Variants in GOLGA2 observed in about 807,000 individuals in gnomAD.
GOLGA2 encodes golgin subfamily A member 2.
Under a neutral mutation model 148.8 loss-of-function variants are expected in GOLGA2, and 49 were observed. The ratio of observed to expected loss-of-function variants is 0.33; its 90% CI spans 0.26 to 0.42. The LOEUF is 0.42. Among genes scored for constraint, GOLGA2 ranks in the 10% least tolerant of loss-of-function variants. The pLI is 1.00. For synonymous variants in GOLGA2, 501 were observed against 511.8 expected, an observed-to-expected ratio of 0.98 and a Z score of 0.28; for missense variants, 1,178 against 1,304.6, an observed-to-expected ratio of 0.90 and a Z score of 1.49.
chr9:128,268,319 G>C (rs979395592), intron 4 of GOLGA2, 101 bp downstream of exon 4: 1 of 1,022,502 alleles, frequency 9.8e-7, no homozygotes, highest in Non-Finnish European at 1.5e-6. Context: ...CCGGTCCCCA[G>C]GAAGGGCCCT....
intron 3 of GOLGA2, among the ~76,000 whole-genome samples, chr9:128,270,869 G>A (rs1830898830): frequency 6.6e-6 from 1 of 151,802 alleles, no homozygotes; most frequent in Non-Finnish European, 1.5e-5. Flanking sequence ...AACATGGCAA[G>A]ACCCCATCTC....
Position 128,260,170 on chromosome 9 carries a change from A to G in GOLGA2, c.1778T>C (p.Ile593Thr). ...FVKLTNENMEITSALQSEQHV... is the reference protein window; with the variant it reads ...FVKLTNENMETTSALQSEQHV... ...CTGCTCCGACTGCAGTGCGCTGGTG[A>G]TCTCCATGTTCTCATTAGTCTGGAC... The change falls in exon 19 of 27, where the codon ATC becomes ACC. Residue 593 changes from isoleucine to threonine, a missense_variant. Ile to Thr is a moderately conservative substitution (Grantham distance 89). Coordinates refer to ENST00000611957, the MANE Select transcript of GOLGA2 (RefSeq NM_001366244.2). This position sits in a 1 kb window ranked among gnomAD's most constrained non-coding sequence, Gnocchi z 4.8. The G allele has an allele frequency of 8.1e-6, 13 of 1,607,876 alleles. No homozygotes were observed. Among genetic ancestry groups the G allele is most frequent in the Non-Finnish European group, 1.1e-5 (13 of 1,178,692 alleles).
chr9:128,258,954 G>A lies in GOLGA2; in HGVS notation c.2173+53C>T, dbSNP rs947821398. 4 of 1,154,224 alleles carry A rather than the reference G, an allele frequency of 3.5e-6. No individual in the cohort carries two copies. Among genetic ancestry groups the A allele is most frequent in the Non-Finnish European group, 5.2e-6 (4 of 770,252 alleles). 71.5% of individuals were successfully genotyped at this position (1,154,224 alleles called of 1,614,324 possible). ...ACTCCTCAATTCTACGCTGCTAACAGTCCCCCCTTCTTCCTGGGGCTCTCT... is the reference window on the plus strand; with the variant it reads ...ACTCCTCAATTCTACGCTGCTAACAATCCCCCCTTCTTCCTGGGGCTCTCT... On this transcript the variant is annotated intron_variant, in intron 21 of 26. Transcript: ENST00000611957. This position sits in a 1 kb window ranked among gnomAD's most constrained non-coding sequence, Gnocchi z 6.6.
In GOLGA2 at chr9:128,259,009, TCCC is replaced by T; in HGVS notation, c.2168_2170del (p.Gly723del). 6.3e-7 allele frequency: 1 copy of T among 1,589,980 alleles called. No homozygotes were observed. The highest frequency in any genetic ancestry group is 2.2e-5 in the East Asian group (1 of 44,780). On this transcript the variant is annotated inframe_deletion, in exon 21 of 27. Transcript: ENST00000611957. ...TTCCTGTGAGCAGGTTCCCGTACCTTCCCCAGGGTGAGCCATGAGGCTCAACTG... is the reference window on the plus strand; with the variant it reads ...TTCCTGTGAGCAGGTTCCCGTACCTTCAGGGTGAGCCATGAGGCTCAACTG...
At position 128,261,847 on chromosome 9, in the gene GOLGA2, T is replaced by A. The variant is rs114187461; in HGVS notation, c.1135-90A>T. ...AAAAGGGCTAGGGCTAGGCTCAATGTGCAACTCAGTCAATACAACTCTGCT... is the reference window on the plus strand; with the variant it reads ...AAAAGGGCTAGGGCTAGGCTCAATGAGCAACTCAGTCAATACAACTCTGCT... On this transcript the variant is annotated intron_variant, in intron 14 of 26. Coordinates refer to ENST00000611957, the MANE Select transcript of GOLGA2 (RefSeq NM_001366244.2). The surrounding 1 kb of genome is among the most constrained non-coding windows in gnomAD (Gnocchi z 5.7). 1,776 of 763,504 alleles carry A rather than the reference T, an allele frequency of 2.3e-3. 33 individuals carry two copies. In the African/African-American group the frequency reaches 0.028, roughly 12 times the overall value. 47.3% of individuals were successfully genotyped at this position (763,504 alleles called of 1,614,324 possible).
chr9:128,261,590 G>A lies in GOLGA2; in HGVS notation c.1225-29C>T, dbSNP rs1236785846. On this transcript the variant is annotated intron_variant, in intron 15 of 26. Transcript: ENST00000611957. The surrounding 1 kb of genome is among the most constrained non-coding windows in gnomAD (Gnocchi z 5.7). ...CAAGAATGGCCACAGAAATGAGGAA[G>A]GACTGTCACTGGTTGTCACCTACTC... is the stretch of plus-strand genomic sequence containing the variant. 1 of 1,525,606 alleles carries A rather than the reference G, an allele frequency of 6.6e-7. No homozygotes were observed. The highest frequency in any genetic ancestry group is 9.1e-7 in the Non-Finnish European group (1 of 1,099,086). The allele number at this position is 1,525,606 out of a possible 1,614,324, so 94.5% of individuals were successfully genotyped here.
At chr9:128,265,505 C>T in intron 12 of GOLGA2, 80 bp downstream of exon 12, 4 of 1,057,718 alleles carry the variant, frequency 3.8e-6, no homozygotes, top group South Asian at 2.5e-5. Flanking sequence ...GACAGTCAAC[C>T]CTGCAGAAGG....
chr9:128,275,850 G>A (rs951150681), intron 1 of GOLGA2, 43 bp downstream of exon 1: 2 of 1,028,058 alleles, frequency 1.9e-6, no homozygotes, highest in Non-Finnish European at 2.9e-6. Flanking sequence ...CATCGGAGTG[G>A]GGCTGGGGCT....
In GOLGA2 at chr9:128,258,426, A is replaced by G. The variant is rs945591498; in HGVS notation, c.2289+29T>C. 6.3e-6 allele frequency: 10 copies of G among 1,586,292 alleles called. No homozygotes were observed. Among genetic ancestry groups the G allele is most frequent in the South Asian group, 1.1e-5 (1 of 90,364 alleles). On this transcript the variant is annotated intron_variant, in intron 22 of 26. Coordinates refer to ENST00000611957, the MANE Select transcript of GOLGA2 (RefSeq NM_001366244.2). This position sits in a 1 kb window ranked among gnomAD's most constrained non-coding sequence, Gnocchi z 6.6. ...GGGAGGGACCACAGAGGGAGGCAGC[A>G]AAGGTTGGGGAGGGGGAGTCAGCCT...
Position 128,257,536 on chromosome 9 carries a change from G to GGGT in GOLGA2, c.2719-14_2719-12dup. 1 of 1,614,030 alleles carries GGGT rather than the reference G, an allele frequency of 6.2e-7. No homozygotes were observed. Among genetic ancestry groups the GGGT allele is most frequent in the Non-Finnish European group, 8.5e-7 (1 of 1,180,018 alleles). ...CTCCAGCAGCTTCACCTGGAGGGAG[G>GGGT]GGTGCTAAGCTGCCATGCCCATGCC... is the stretch of plus-strand genomic sequence containing the variant. On this transcript the variant is annotated splice_polypyrimidine_tract_variant and intron_variant, in intron 25 of 26. Coordinates refer to ENST00000611957, the MANE Select transcript of GOLGA2 (RefSeq NM_001366244.2). The surrounding 1 kb of genome is among the most constrained non-coding windows in gnomAD (Gnocchi z 8.0).
chr9:128,262,577 G>C lies in GOLGA2; in HGVS notation c.1120C>G (p.Leu374Val). The C allele has an allele frequency of 1.2e-6, 2 of 1,614,120 alleles. No homozygotes were observed. The highest frequency in any genetic ancestry group is 8.5e-7 in the Non-Finnish European group (1 of 1,179,974). The change falls in exon 14 of 27, where the codon CTC becomes GTC. Residue 374 changes from leucine (L) to valine (V), a missense_variant. Physicochemically the swap from Leu to Val is conservative, Grantham distance 32 (BLOSUM62 1). This residue lies in a region of GOLGA2 where 304 missense variants were observed against 404.1 expected (regional missense o/e 0.75). Transcript: ENST00000611957. ...ELQKKLEMTE[L>V]LLQQFSSRCE... is the part of the protein sequence containing the mutation. ...CAGCCTCTTGCCTGTTGAAGCAGGAGTTCCGTCATCTCTAACTTCTTTTGC... is the reference window on the plus strand; with the variant it reads ...CAGCCTCTTGCCTGTTGAAGCAGGACTTCCGTCATCTCTAACTTCTTTTGC...
intron 3 of GOLGA2, among the ~76,000 whole-genome samples, chr9:128,268,738 C>T (rs79027662): frequency 0.16 from 24,033 of 152,174 alleles, 1,948 homozygotes; most frequent in South Asian, 0.24. Flanking sequence ...AGGGGCTGCA[C>T]GGCCTCCTTC....
chr9:128,263,069 C>G lies in GOLGA2; in HGVS notation c.957G>C (p.Glu319Asp). ...ADRYNKELTK[E>D]RDALRLELYK... is the part of the protein sequence containing the mutation. ...ATAACTCCAGCCTGAGGGCGTCTCT[C>G]TCTTTGGTTAACTCCTTGTTGTACT... Residue 319 changes from glutamate (E) to aspartate (D), a missense_variant, in exon 13 of 27, where the codon GAG (glutamate) becomes GAC (aspartate). Physicochemically the swap from Glu to Asp is conservative, Grantham distance 45. Coordinates refer to ENST00000611957, the MANE Select transcript of GOLGA2 (RefSeq NM_001366244.2). 1.2e-6 allele frequency: 2 copies of G among 1,610,608 alleles called. No homozygotes were observed. The highest frequency in any genetic ancestry group is 1.7e-6 in the Non-Finnish European group (2 of 1,176,878).
At chr9:128,275,545 G>A (rs1248233938) in intron 1 of GOLGA2, 2 of 1,267,954 alleles carry the variant, frequency 1.6e-6, no homozygotes, top group Middle Eastern at 2.4e-4. Context: ...CGGGCCCAAA[G>A]TCACTGGCGA....
intron 19 of GOLGA2, 69 bp from the exon 20 acceptor site, chr9:128,259,460 T>C: frequency 1.0e-6 from 1 of 986,506 alleles, no homozygotes; most frequent in Non-Finnish European, 1.5e-6. Flanking sequence ...ATAAATAGGG[T>C]AGCGAGGGCT....
At position 128,262,721 on chromosome 9, in the gene GOLGA2, T is replaced by C. The variant is rs750274207; in HGVS notation, c.993-17A>G. 5 of 1,608,386 alleles carry C rather than the reference T, an allele frequency of 3.1e-6. No individual in the cohort carries two copies. The highest frequency in any genetic ancestry group is 4.2e-6 in the Non-Finnish European group (5 of 1,177,278). On this transcript the variant is annotated splice_polypyrimidine_tract_variant and intron_variant, in intron 13 of 26. Transcript: ENST00000611957. ...TTGCTTTGGCTATGGCCAGAGGCAG[T>C]AGAGAAAGGAATGAACGAAGAACAG...
In GOLGA2 at chr9:128,258,977, TCTC is replaced by T. The variant is rs747832799; in HGVS notation, c.2173+27_2173+29del. The T allele has an allele frequency of 2.1e-6, 3 of 1,401,704 alleles. No homozygotes were observed. In the East Asian group the frequency reaches 6.8e-5, roughly 32 times the overall value. The allele number at this position is 1,401,704 out of a possible 1,614,324, so 86.8% of individuals were successfully genotyped here. A position where few individuals can be genotyped will look rare whatever the true frequency, so the allele number is the denominator to read the frequency against. ...CAGTCCCCCCTTCTTCCTGGGGCTC[TCTC>T]CTCTTCCTGTGAGCAGGTTCCCGTA... On this transcript the variant is annotated intron_variant, in intron 21 of 26. Transcript: ENST00000611957. The surrounding 1 kb of genome is among the most constrained non-coding windows in gnomAD (Gnocchi z 6.6).
chr9:128,268,360 G>T, intron 4 of GOLGA2, 60 bp downstream of exon 4: 1 of 1,096,056 alleles, frequency 9.1e-7, no homozygotes, highest in Non-Finnish European at 1.4e-6. Context: ...CCTGTGAAAG[G>T]AGAAGATAAT....
chr9:128,275,860 T>A, intron 1 of GOLGA2, 33 bp downstream of exon 1: 1 of 1,167,306 alleles, frequency 8.6e-7, no homozygotes, highest in Non-Finnish European at 1.2e-6. Context: ...GGGCTGGGGC[T>A]GGGTCGGGGG....
Sources: allele counts gnomAD v4.1 joint callset (sites outside exome capture counted in the v4.1 genomes callset), GRCh38; gene constraint gnomAD v4.1.1; regional missense constraint gnomAD v4.1.1; non-coding constraint Gnocchi (gnomAD v3.1); transcripts MANE v1.5; gene names NCBI Gene and HGNC (gene_info 2026-07-23, HGNC 2026-07-21).